The following IFNLR1 variants were observed in gnomAD, a reference collection of about 807,000 sequenced individuals.
The protein encoded by IFNLR1 is interferon lambda receptor 1.
A neutral mutation model predicts 52.5 loss-of-function variants in IFNLR1; 28 were observed. That is an observed-to-expected ratio of 0.53 (90% CI 0.40 to 0.73). The LOEUF is 0.73. Among genes scored for constraint, IFNLR1 ranks in the 30% least tolerant of loss-of-function variants. IFNLR1 has a pLI of 0.00. For synonymous variants in IFNLR1, 276 were observed against 274.9 expected (o/e 1.00, Z -0.04); for missense variants, 623 against 659.1 (o/e 0.95, Z 0.60).
intron 6 of IFNLR1, 135 bp from the exon 7 acceptor site, chr1:24,158,026 G>C: frequency 1.3e-6 from 1 of 796,910 alleles, no homozygotes; most frequent in Middle Eastern, 3.1e-4. Context: ...GATGATCCCA[G>C]AACACACCAG....
chr1:24,171,239 A>G lies in IFNLR1; in HGVS notation c.183-1638T>C, dbSNP rs574077811. On this transcript the variant is annotated intron_variant, in intron 2 of 6. Transcript: ENST00000327535. ...ATACATCTCACCCAGCAATTGATGA[A>G]TAGACAAAGAAAAATAAATACATAA... Among the ~76,000 whole-genome samples the G allele has an allele frequency of 2.7e-5, 4 of 150,502 alleles. No individual in the cohort carries two copies. The South Asian group carries it at 8.3e-4, about 31-fold the overall frequency.
chr1:24,159,744 T>G (rs1323198490), intron 4 of IFNLR1, 111 bp from the exon 5 acceptor site: 15 of 946,440 alleles, frequency 1.6e-5, no homozygotes, highest in South Asian at 1.8e-5. Flanking sequence ...TTTGTTTTTT[T>G]TTTTTGTTTT....
intron 1 of IFNLR1, among the ~76,000 whole-genome samples, chr1:24,181,853 AC>A (rs1303165875): frequency 1.3e-5 from 2 of 151,972 alleles, no homozygotes; most frequent in African/African-American, 4.8e-5. Context: ...AGTGTGAAGG[AC>A]CCCCAGCCAT....
chr1:24,164,506 A>G (rs956741301), intron 3 of IFNLR1, among the ~76,000 whole-genome samples: 1 of 152,234 alleles, frequency 6.6e-6, no homozygotes, highest in Non-Finnish European at 1.5e-5. Context: ...ATTATTAGAT[A>G]AAAGCCAGGT....
At position 24,156,806 on chromosome 1, in the gene IFNLR1, G is replaced by C; in HGVS notation, c.*324C>G. The C allele has an allele frequency of 2.8e-6, 1 of 354,250 alleles. No individual in the cohort carries two copies. Among genetic ancestry groups the C allele is most frequent in the Non-Finnish European group, 5.1e-6 (1 of 195,002 alleles). 21.9% of individuals were successfully genotyped at this position (354,250 alleles called of 1,614,324 possible). Reference sequence around the variant, plus strand: ...TGTCCGCAGTGACCTGACCTCACCTGTTTCATGTTGTCCGGGGATAATTTT... The same window carrying C: ...TGTCCGCAGTGACCTGACCTCACCTCTTTCATGTTGTCCGGGGATAATTTT... On this transcript the variant is annotated 3_prime_UTR_variant, in exon 7 of 7. Coordinates refer to ENST00000327535, the MANE Select transcript of IFNLR1 (RefSeq NM_170743.4).
At chr1:24,186,626 T>A (rs893409866) in intron 1 of IFNLR1, among the ~76,000 whole-genome samples, 1 of 152,000 alleles carries the variant, frequency 6.6e-6, no homozygotes, top group African/African-American at 2.4e-5. Context: ...CGGCGAGGAA[T>A]TTTGTACCTG....
At chr1:24,181,569 C>A (rs1644691014) in intron 1 of IFNLR1, among the ~76,000 whole-genome samples, 1 of 152,216 alleles carries the variant, frequency 6.6e-6, no homozygotes, top group African/African-American at 2.4e-5. Context: ...TTCATTCCCG[C>A]TTCATGTAGC....
chr1:24,162,876 T>TTTCCTTCCTTCCTTCCTTCCTTCCTTCC (rs752104875), intron 3 of IFNLR1, among the ~76,000 whole-genome samples: 2 of 22,588 alleles, frequency 8.9e-5, no homozygotes, highest in Non-Finnish European at 1.6e-4. Context: ...TCTTTCTTTC[T>TTTCCTTCCTTCCTTCCTTCCTTCCTTCC]TTCCTTCCTT....
chr1:24,157,593 G>A lies in IFNLR1; in HGVS notation c.1100C>T (p.Ser367Leu), dbSNP rs778755478. 8 of 1,611,100 alleles carry A rather than the reference G, an allele frequency of 5.0e-6. No homozygotes were observed. The highest frequency in any genetic ancestry group is 1.3e-5 in the African/African-American group (1 of 74,790). ...PGHSEAGGVDSGRPRAPLVPS... is the reference protein window; with the variant it reads ...PGHSEAGGVDLGRPRAPLVPS... Reference sequence around the variant, plus strand: ...GACCAGAGGAGCCCTGGGCCTCCCTGAGTCCACCCCACCAGCCTCCGAGTG... The same window carrying A: ...GACCAGAGGAGCCCTGGGCCTCCCTAAGTCCACCCCACCAGCCTCCGAGTG... The change falls in exon 7 of 7, where the codon TCA becomes TTA. Residue 367 changes from serine to leucine, a missense_variant. Physicochemically the swap from Ser to Leu is moderately radical, Grantham distance 145. Coordinates refer to ENST00000327535, the MANE Select transcript of IFNLR1 (RefSeq NM_170743.4). This position sits in a 1 kb window ranked among gnomAD's most constrained non-coding sequence, Gnocchi z 5.1.
Position 24,167,151 on chromosome 1 carries a change from G to C in IFNLR1, c.367+2266C>G, listed in dbSNP as rs74985675. On this transcript the variant is annotated intron_variant, in intron 3 of 6. Coordinates refer to ENST00000327535, the MANE Select transcript of IFNLR1 (RefSeq NM_170743.4). ...ACTTCTCCTGTCCTTGGACGTTGGA[G>C]CTTCCTGTTCTCCGGCATTTGGACT... is the stretch of plus-strand genomic sequence containing the variant. 9.8e-3 allele frequency among the ~76,000 whole-genome samples: 1,485 copies of C among 152,282 alleles called. 17 individuals are homozygous for C. Among genetic ancestry groups the C allele is most frequent in the African/African-American group, 0.034 (1,433 of 41,550 alleles).
chr1:24,164,213 T>C (rs1461168226), intron 3 of IFNLR1, among the ~76,000 whole-genome samples: 1 of 152,056 alleles, frequency 6.6e-6, no homozygotes, highest in East Asian at 1.9e-4. Flanking sequence ...CTCCATTAGG[T>C]TTCAAGGCCT....
intron 4 of IFNLR1, chr1:24,161,315 T>A (rs1380759047): frequency 6.6e-6 from 4 of 607,140 alleles, no homozygotes; most frequent in Non-Finnish European, 1.2e-5. Flanking sequence ...AGCTTATCTG[T>A]ATTTTTCAGT....
chr1:24,167,277 G>A (rs1644529908), intron 3 of IFNLR1, among the ~76,000 whole-genome samples: 1 of 152,222 alleles, frequency 6.6e-6, no homozygotes, highest in South Asian at 2.1e-4. Flanking sequence ...GACTCAGACA[G>A]AATCACACCA....
chr1:24,163,798 C>T (rs1362973090), intron 3 of IFNLR1, among the ~76,000 whole-genome samples: 1 of 152,052 alleles, frequency 6.6e-6, no homozygotes, highest in Non-Finnish European at 1.5e-5. Flanking sequence ...AGGCTGGTCT[C>T]GAACTGCCGA....
intron 1 of IFNLR1, among the ~76,000 whole-genome samples, 176 bp downstream of exon 1, chr1:24,187,015 G>A (rs1034952437): frequency 6.6e-5 from 10 of 152,340 alleles, no homozygotes; most frequent in East Asian, 1.9e-4. Flanking sequence ...TCAAAGACCC[G>A]GTTCTGTTCA....
intron 3 of IFNLR1, among the ~76,000 whole-genome samples, chr1:24,163,582 T>TC (rs141782095): frequency 0.64 from 93,217 of 144,776 alleles, 29,820 homozygotes; most frequent in Non-Finnish European, 0.7. Flanking sequence ...TCTCTTTCTT[T>TC]TTTCTTTTTT....
chr1:24,167,651 C>G (rs1644533402), intron 3 of IFNLR1, among the ~76,000 whole-genome samples: 1 of 151,646 alleles, frequency 6.6e-6, no homozygotes. Flanking sequence ...TCCCAAAGTG[C>G]TCAGATTACA....
intron 3 of IFNLR1, among the ~76,000 whole-genome samples, chr1:24,162,720 TTTC>T (rs1325701181): frequency 2.2e-4 from 7 of 31,482 alleles, no homozygotes; most frequent in Middle Eastern, 0.011. Flanking sequence ...TCTTTCTTTC[TTTC>T]TTTTCTTTCT....
At position 24,157,686 on chromosome 1, in the gene IFNLR1, T is replaced by C. The variant is rs757005624; in HGVS notation, c.1007A>G (p.Asp336Gly). The change falls in exon 7 of 7, where the codon GAT (aspartate) becomes GGT (glycine). Residue 336 changes from aspartate to glycine, a missense_variant. Transcript: ENST00000327535. The surrounding 1 kb of genome is among the most constrained non-coding windows in gnomAD (Gnocchi z 5.1). ...AATGTAGGGCTGGAAGCTGACGCCA[T>C]CTTCTGTGTCCTCCTCATCCTCCTC... ...EEEEDEEDTE[D>G]GVSFQPYIEP... 3 of 1,613,190 alleles carry C rather than the reference T, an allele frequency of 1.9e-6. No individual in the cohort carries two copies. Among genetic ancestry groups the C allele is most frequent in the Admixed American group, 3.3e-5 (2 of 59,806 alleles).
Sources: allele counts gnomAD v4.1 joint callset (sites outside exome capture counted in the v4.1 genomes callset), GRCh38; gene constraint gnomAD v4.1.1; non-coding constraint Gnocchi (gnomAD v3.1); transcripts MANE v1.5; gene names NCBI Gene and HGNC (gene_info 2026-07-23, HGNC 2026-07-21).